Variants in YAE1 observed in about 807,000 individuals in gnomAD.
The protein encoded by YAE1 is protein YAE1 homolog.
YAE1 carries 22 observed loss-of-function variants against 23.0 expected under a neutral mutation model. The ratio of observed to expected loss-of-function variants is 0.96; its 90% CI spans 0.68 to 1.37. The LOEUF (loss-of-function observed/expected upper bound fraction) is 1.37, where lower values mean the gene tolerates loss of function less well. YAE1 is among the 40% of genes most tolerant of loss of function. The pLI is 0.00. For missense variants in YAE1, 260 were observed against 262.1 expected, an observed-to-expected ratio of 0.99 and a Z score of 0.06; for synonymous variants, 101 against 97.0, an observed-to-expected ratio of 1.04 and a Z score of -0.24.
downstream of YAE1, among the ~76,000 whole-genome samples, chr7:39,577,248 TC>T (rs1322188957): frequency 6.6e-6 from 1 of 152,264 alleles, no homozygotes; most frequent in Non-Finnish European, 1.5e-5. Context: ...TTAATAAAAA[TC>T]CACATATCCA....
chr7:39,598,888 A>G lies in YAE1; in HGVS notation c.252-10729A>G, dbSNP rs192683334. On this transcript the variant is annotated intron_variant, in intron 2 of 2. Transcript: ENST00000432096. ...TAAACTGTTTAAAGATAAAGGAAAGACTTTTTTTTTTCAGTTCTCCCCACC... is the reference window on the plus strand; with the variant it reads ...TAAACTGTTTAAAGATAAAGGAAAGGCTTTTTTTTTTCAGTTCTCCCCACC... Among the ~76,000 whole-genome samples, 41 of 149,328 alleles carry G rather than the reference A, an allele frequency of 2.7e-4. No individual in the cohort carries two copies. The East Asian group carries it at 7.5e-3, about 27-fold the overall frequency.
intron 2 of YAE1, among the ~76,000 whole-genome samples, chr7:39,609,215 A>T (rs1562598769): frequency 6.6e-6 from 1 of 152,224 alleles, no homozygotes; most frequent in East Asian, 1.9e-4. Context: ...CCCCCAGGGG[A>T]AGAGCTGCAG....
exon 3 of YAE1, chr7:39,610,098 T>C: frequency 7.8e-7 from 1 of 1,284,610 alleles, no homozygotes; most frequent in Non-Finnish European, 1.0e-6. Flanking sequence ...CCAGCCCACC[T>C]TGGCCCTCCG....
chr7:39,572,490 T>C lies in YAE1; in HGVS notation c.465T>C (p.Ala155=). The change falls in exon 3 of 3, where the codon GCT becomes GCC. Residue 155 remains alanine (A), a synonymous_variant. Coordinates refer to ENST00000223273, the MANE Select transcript of YAE1 (RefSeq NM_020192.5). ...CAGCTGAGAAAAAGATTGATGAAGC[T>C]AAAGATGAAAGACTCTGTGAAAATA... The part of the protein sequence containing the change: ...VVPAEKKIDE[A]KDERLCENNA... 2.5e-6 allele frequency: 4 copies of C among 1,614,118 alleles called. No homozygotes were observed. Among genetic ancestry groups the C allele is most frequent in the Non-Finnish European group, 3.4e-6 (4 of 1,179,978 alleles).
At chr7:39,577,170 A>G (rs2115789240), downstream of YAE1, among the ~76,000 whole-genome samples, 2 of 152,360 alleles carry the variant, frequency 1.3e-5, no homozygotes, top group East Asian at 3.9e-4. Flanking sequence ...TGCTGGGATT[A>G]CAGACGTGAG....
intron 2 of YAE1, chr7:39,609,568 A>G (rs1325357711): frequency 6.0e-6 from 9 of 1,508,176 alleles, no homozygotes; most frequent in Non-Finnish European, 8.0e-6. Context: ...TTGTGGGGAC[A>G]GTGATAACAG....
chr7:39,570,993 A>G, intron 2 of YAE1: 1 of 164,570 alleles, frequency 6.1e-6, no homozygotes, highest in Non-Finnish European at 1.3e-5. Flanking sequence ...TTGGTAATTA[A>G]GATAAAATTG....
rs200997333 is a variant in YAE1, at chr7:39,592,748, A to G, written c.252-16869A>G. On this transcript the variant is annotated intron_variant, in intron 2 of 2. Coordinates refer to the YAE1 transcript ENST00000432096. ...ATGTGTCATTGTTATCCTGTCTACA[A>G]TGTGCTGCTTTTTCTGGCTCTTTTA... Among the ~76,000 whole-genome samples the G allele has an allele frequency of 5.9e-5, 9 of 152,002 alleles. No individual in the cohort carries two copies. The East Asian group carries it at 1.2e-3, about 19-fold the overall frequency.
downstream of YAE1, chr7:39,572,926 A>G (rs143789494): frequency 9.8e-6 from 11 of 1,127,738 alleles, no homozygotes; most frequent in Non-Finnish European, 1.1e-5. Context: ...AGATATGGTC[A>G]GAAATTTCTA....
chr7:39,577,513 G>A (rs527727949), downstream of YAE1, among the ~76,000 whole-genome samples: 5 of 152,314 alleles, frequency 3.3e-5, no homozygotes, highest in Non-Finnish European at 5.9e-5. Flanking sequence ...TGGAGTGGCC[G>A]GCCAGCAGGG....
At chr7:39,572,888 T>C, downstream of YAE1, 1 of 1,238,572 alleles carries the variant, frequency 8.1e-7, no homozygotes, top group Non-Finnish European at 1.0e-6. Flanking sequence ...CTTTTTTCTT[T>C]GTCACTGGTA....
chr7:39,601,171 A>T (rs1223421648), intron 2 of YAE1, among the ~76,000 whole-genome samples: 2 of 152,230 alleles, frequency 1.3e-5, no homozygotes, highest in African/African-American at 4.8e-5. Context: ...TTCTAAAAAG[A>T]TATCTAAGTA....
intron 2 of YAE1, among the ~76,000 whole-genome samples, chr7:39,586,561 A>C (rs1790816809): frequency 6.9e-6 from 1 of 144,446 alleles, no homozygotes; most frequent in African/African-American, 2.6e-5. Flanking sequence ...GCAGTGGCGC[A>C]GTCTCGGCTC....
chr7:39,600,594 G>C (rs1350685789), intron 2 of YAE1, among the ~76,000 whole-genome samples: 1 of 151,738 alleles, frequency 6.6e-6, no homozygotes, highest in Non-Finnish European at 1.5e-5. Context: ...ACAGGGTTTC[G>C]CCATGTTGGT....
At chr7:39,609,799 C>A in exon 3 of YAE1, 1 of 1,531,892 alleles carries the variant, frequency 6.5e-7, no homozygotes, top group Non-Finnish European at 8.7e-7. Flanking sequence ...GGCCGCGCCA[C>A]TCCCCGCTTC....
At chr7:39,581,812 C>CA (rs1165999271) in intron 2 of YAE1, among the ~76,000 whole-genome samples, 3 of 151,764 alleles carry the variant, frequency 2.0e-5, no homozygotes, top group Non-Finnish European at 2.9e-5. Flanking sequence ...TTCAAGGCTG[C>CA]AGTGAGCCGT....
chr7:39,585,634 T>G (rs1274571886), intron 2 of YAE1, among the ~76,000 whole-genome samples: 1 of 152,194 alleles, frequency 6.6e-6, no homozygotes, highest in Non-Finnish European at 1.5e-5. Context: ...TCTTCCAGAT[T>G]TTTTCTATGT....
At chr7:39,570,191 G>T (rs1423673954) in intron 1 of YAE1, 1 of 670,356 alleles carries the variant, frequency 1.5e-6, no homozygotes, top group Non-Finnish European at 2.5e-6. Context: ...ACTCCTGGAG[G>T]GTGCCATGTC....
intron 2 of YAE1, among the ~76,000 whole-genome samples, chr7:39,583,967 C>A (rs1790779594): frequency 6.6e-6 from 1 of 152,158 alleles, no homozygotes; most frequent in South Asian, 2.1e-4. Flanking sequence ...ATTGTATTTT[C>A]TCCTGAACAT....
Sources: gnomAD v4.1 joint callset for allele counts (sites outside exome capture counted in the v4.1 genomes callset) on GRCh38, gnomAD v4.1.1 for gene constraint, MANE v1.5 for transcripts, NCBI Gene and HGNC (gene_info 2026-07-23, HGNC 2026-07-21) for gene names.